NBEA: variants seen among roughly 807,000 people sequenced by gnomAD.
NBEA encodes the protein neurobeachin.
NBEA carries 44 observed loss-of-function variants against 343.4 expected under a neutral mutation model. That is an observed-to-expected ratio of 0.13 (90% CI 0.10 to 0.16). The LOEUF is 0.16. Ranked by LOEUF, NBEA falls within the 10% of genes least tolerant of loss-of-function variation. NBEA has a pLI of 1.00. For missense variants in NBEA, 2,555 were observed against 3,631.3 expected (o/e 0.70, Z 7.62); for synonymous variants, 1,175 against 1,238.7 (o/e 0.95, Z 1.08).
chr13:35,004,252 A>G (rs1375547920), intron 1 of NBEA, among the ~76,000 whole-genome samples: 12 of 152,090 alleles, frequency 7.9e-5, no homozygotes, highest in African/African-American at 2.7e-4. Context: ...GTGTGCATGT[A>G]TTTTTGTAAT....
At chr13:35,545,788 G>A (rs1195805417) in intron 41 of NBEA, among the ~76,000 whole-genome samples, 1 of 152,090 alleles carries the variant, frequency 6.6e-6, no homozygotes, top group East Asian at 1.9e-4. Context: ...TAATCCAGTC[G>A]AAAGTTCCAT....
chr13:35,056,234 T>A (rs2063254773), intron 7 of NBEA, 105 bp downstream of exon 7: 1 of 986,694 alleles, frequency 1.0e-6, no homozygotes, highest in East Asian at 3.3e-5. Context: ...CTTAAAACTT[T>A]GAAAGTTTAT....
intron 38 of NBEA, among the ~76,000 whole-genome samples, chr13:35,426,143 T>C (rs2044656397): frequency 6.6e-6 from 1 of 152,186 alleles, no homozygotes; most frequent in Non-Finnish European, 1.5e-5. Flanking sequence ...TTTAGCCCAT[T>C]TACATTCAAA....
Position 35,118,448 on chromosome 13 carries a change from A to G in NBEA, c.2217A>G (p.Pro739=), listed in dbSNP as rs762302566. 5 of 1,603,718 alleles carry G rather than the reference A, an allele frequency of 3.1e-6. No homozygotes were observed. Among genetic ancestry groups the G allele is most frequent in the Non-Finnish European group, 4.3e-6 (5 of 1,175,172 alleles). The change falls in exon 16 of 59, where the codon CCA becomes CCG. Residue 739 remains proline (P), a synonymous_variant. Transcript: ENST00000379939. ...CGGAACACCCAGCCTCAATGATACC[A>G]GCATTTGATCAAAGAAATGGAATAA... ...LMSEHPASMI[P]AFDQRNGIRV...
intron 36 of NBEA, among the ~76,000 whole-genome samples, chr13:35,329,359 G>GA (rs11381634): frequency 0.11 from 17,432 of 151,926 alleles, 1,214 homozygotes; most frequent in East Asian, 0.22. Context: ...CAAGAGAAAT[G>GA]AAAAATAAGT....
chr13:35,146,664 C>CT (rs765296745), intron 18 of NBEA, among the ~76,000 whole-genome samples: 12 of 152,088 alleles, frequency 7.9e-5, no homozygotes, highest in African/African-American at 1.9e-4. Flanking sequence ...CAACCATTAC[C>CT]TTTAAGTTTT....
At chr13:35,276,681 A>T (rs1237018714) in intron 34 of NBEA, among the ~76,000 whole-genome samples, 1 of 152,200 alleles carries the variant, frequency 6.6e-6, no homozygotes, top group Non-Finnish European at 1.5e-5. Flanking sequence ...GAAATTTTTA[A>T]AAAGGAAATA....
chr13:35,460,839 T>G (rs2046862128), intron 40 of NBEA, among the ~76,000 whole-genome samples: 1 of 152,236 alleles, frequency 6.6e-6, no homozygotes, highest in Non-Finnish European at 1.5e-5. Flanking sequence ...AGAAACTTAT[T>G]TTATACAGTC....
intron 38 of NBEA, among the ~76,000 whole-genome samples, chr13:35,369,496 T>G (rs1052807519): frequency 6.6e-6 from 1 of 151,902 alleles, no homozygotes; most frequent in African/African-American, 2.4e-5. Context: ...ATATTAACAA[T>G]GTTAATTTTT....
At chr13:35,006,579 C>T (rs2061326374) in intron 1 of NBEA, among the ~76,000 whole-genome samples, 1 of 152,130 alleles carries the variant, frequency 6.6e-6, no homozygotes, top group Admixed American at 6.5e-5. Context: ...GTCTAAGCTT[C>T]CATCTGGGCT....
chr13:35,435,698 GA>G (rs1450009555), intron 39 of NBEA, among the ~76,000 whole-genome samples: 3 of 151,970 alleles, frequency 2.0e-5, no homozygotes, highest in African/African-American at 7.3e-5. Context: ...TGAATTAAAA[GA>G]AAAAGCAATT....
intron 17 of NBEA, among the ~76,000 whole-genome samples, chr13:35,126,976 AG>A (rs2067169177): frequency 6.6e-6 from 1 of 152,034 alleles, no homozygotes; most frequent in Non-Finnish European, 1.5e-5. Context: ...TTCCCAAATA[AG>A]AAAAGCAGAA....
chr13:35,635,866 G>A (rs560085072), intron 49 of NBEA, among the ~76,000 whole-genome samples: 3 of 152,236 alleles, frequency 2.0e-5, no homozygotes, highest in South Asian at 2.1e-4. Context: ...GTCATCAATC[G>A]TCCACTAGAA....
chr13:35,165,827 G>A (rs536476853), intron 24 of NBEA, among the ~76,000 whole-genome samples: 19 of 151,560 alleles, frequency 1.3e-4, no homozygotes, highest in Non-Finnish European at 2.7e-4. Context: ...TGGGATTATA[G>A]GTGTGCACCA....
intron 38 of NBEA, among the ~76,000 whole-genome samples, chr13:35,388,809 A>G (rs2042367427): frequency 6.6e-6 from 1 of 152,276 alleles, no homozygotes; most frequent in Non-Finnish European, 1.5e-5. Flanking sequence ...TTCTGCCTTG[A>G]AGGCATTATA....
intron 1 of NBEA, among the ~76,000 whole-genome samples, chr13:35,021,109 C>A (rs1000042827): frequency 3.3e-5 from 5 of 151,974 alleles, no homozygotes; most frequent in African/African-American, 1.2e-4. Flanking sequence ...ATTTAGCTCT[C>A]ATTTTTTTGG....
intron 8 of NBEA, among the ~76,000 whole-genome samples, chr13:35,069,214 A>G (rs893321032): frequency 9.2e-5 from 14 of 152,116 alleles, no homozygotes; most frequent in South Asian, 6.2e-4. Flanking sequence ...ATTAATAGTA[A>G]TACTGATATG....
chr13:35,189,163 C>T (rs1483072566), intron 30 of NBEA, among the ~76,000 whole-genome samples: 2 of 152,056 alleles, frequency 1.3e-5, no homozygotes, highest in East Asian at 1.9e-4. Context: ...AAGTGATCCA[C>T]CTGCCTGTGC....
chr13:35,618,977 C>T (rs2082858097), intron 48 of NBEA, among the ~76,000 whole-genome samples: 3 of 152,008 alleles, frequency 2.0e-5, no homozygotes, highest in Admixed American at 1.3e-4. Flanking sequence ...AGCCAAGCTC[C>T]AGTGTGGCTC....
Sources: allele counts gnomAD v4.1 joint callset (sites outside exome capture counted in the v4.1 genomes callset), GRCh38; gene constraint gnomAD v4.1.1; transcripts MANE v1.5; gene names NCBI Gene and HGNC (gene_info 2026-07-23, HGNC 2026-07-21).